The following GANC variants were observed in gnomAD, a reference collection of about 807,000 sequenced individuals.
GANC encodes the protein neutral alpha-glucosidase C.
In GANC, 117 loss-of-function variants were observed where a neutral mutation model predicts 124.2. The ratio of observed to expected loss-of-function variants is 0.94; its 90% confidence interval spans 0.81 to 1.10. GANC has a LOEUF of 1.10. Ranked by LOEUF, GANC falls within the 50% of genes least tolerant of loss-of-function variation. GANC has a pLI of 0.00. For missense variants in GANC, 1,140 were observed against 1,095.0 expected, an observed-to-expected ratio of 1.04 and a Z score of -0.58; for synonymous variants, 377 against 376.8, an observed-to-expected ratio of 1.00 and a Z score of -0.01.
chr15:42,299,377 A>T (rs4583209), intron 6 of GANC, among the ~76,000 whole-genome samples: 1 of 152,110 alleles, frequency 6.6e-6, no homozygotes, highest in Non-Finnish European at 1.5e-5. Context: ...ATTGATTTGC[A>T]TATGTTGAAC....
intron 15 of GANC, among the ~76,000 whole-genome samples, chr15:42,332,021 C>T (rs998264178): frequency 1.3e-5 from 2 of 152,006 alleles, no homozygotes; most frequent in African/African-American, 4.8e-5. Context: ...ATATCTATCA[C>T]CTTAAATATG....
intron 3 of GANC, among the ~76,000 whole-genome samples, chr15:42,279,873 C>T (rs762366395): frequency 1.8e-4 from 28 of 152,222 alleles, no homozygotes; most frequent in African/African-American, 6.5e-4. Flanking sequence ...TGCCCTGCAG[C>T]GCTGTACTGA....
Position 42,273,543 on chromosome 15 carries a change from T to A in GANC, c.-939T>A, listed in dbSNP as rs2051610265. On this transcript the variant is annotated 5_prime_UTR_variant, in exon 1 of 24. Coordinates refer to ENST00000318010, the MANE Select transcript of GANC (RefSeq NM_198141.3). ...TTGCTGTGCGGCGTAGCGGCCCCTC[T>A]CTCAGACAGTCGTCTGTGCGCCGTG... 2.2e-6 allele frequency: 3 copies of A among 1,375,332 alleles called. No individual in the cohort carries two copies. The highest frequency in any genetic ancestry group is 4.8e-5 in the Admixed American group (2 of 41,452). 85.2% of individuals were successfully genotyped at this position (1,375,332 alleles called of 1,614,324 possible).
chr15:42,292,772 T>C lies in GANC; in HGVS notation c.367T>C (p.Leu123=), dbSNP rs752077858. 1.9e-6 allele frequency: 3 copies of C among 1,614,114 alleles called. No homozygotes were observed. The highest frequency in any genetic ancestry group is 2.5e-6 in the Non-Finnish European group (3 of 1,179,980). ...CTCTGGGGACACAGGCAGTCTGATA[T>C]TGGCAGATGGAAAAGGAGACCTGAA... is the stretch of plus-strand genomic sequence containing the variant. ...SCSGDTGSLI[L]ADGKGDLKCH... is the part of the protein sequence containing the mutation. The change falls in exon 5 of 24, where the codon TTG becomes CTG. Residue 123 remains leucine, a synonymous_variant. Coordinates refer to ENST00000318010, the MANE Select transcript of GANC (RefSeq NM_198141.3).
intron 13 of GANC, among the ~76,000 whole-genome samples, 159 bp from the exon 14 acceptor site, chr15:42,329,147 A>C (rs934834824): frequency 6.6e-6 from 1 of 152,260 alleles, no homozygotes; most frequent in Non-Finnish European, 1.5e-5. Flanking sequence ...TGAACAAAAC[A>C]GACAAAATGT....
intron 22 of GANC, 29 bp from the exon 23 acceptor site, chr15:42,351,300 C>G (rs1185504250): frequency 6.4e-7 from 1 of 1,552,750 alleles, no homozygotes; most frequent in South Asian, 1.1e-5. Context: ...CCATCCCTCT[C>G]CTTTTAATAC....
chr15:42,331,485 G>C (rs1249799477), intron 15 of GANC, among the ~76,000 whole-genome samples: 1 of 152,154 alleles, frequency 6.6e-6, no homozygotes, highest in Non-Finnish European at 1.5e-5. Flanking sequence ...TGGCAGGAAG[G>C]CTATTTTAAG....
intron 11 of GANC, among the ~76,000 whole-genome samples, chr15:42,323,212 T>C (rs56987883): frequency 0.1 from 15,670 of 152,212 alleles, 1,168 homozygotes; most frequent in Admixed American, 0.19. Flanking sequence ...ATGGCAAGAA[T>C]ATGAACCATG....
intron 15 of GANC, among the ~76,000 whole-genome samples, chr15:42,332,177 T>C (rs2052251564): frequency 6.6e-6 from 1 of 152,182 alleles, no homozygotes; most frequent in Non-Finnish European, 1.5e-5. Flanking sequence ...AAAAGATTAA[T>C]GGAAGATAGT....
Position 42,353,371 on chromosome 15 carries a change from C to CT in GANC, c.*1235dup, listed in dbSNP as rs2052476109. 6.1e-6 allele frequency: 6 copies of CT among 985,678 alleles called. No homozygotes were observed. Among genetic ancestry groups the CT allele is most frequent in the Non-Finnish European group, 7.2e-6 (6 of 829,700 alleles). The allele number at this position is 985,678 out of a possible 1,614,324, so 61.1% of individuals were successfully genotyped here. On this transcript the variant is annotated 3_prime_UTR_variant, in exon 24 of 24. Transcript: ENST00000318010. The stretch of plus-strand genomic sequence containing the variant: ...CCTTCCAGGCCCAACTTAAATCCCA[C>CT]TTTCCCATGAAGCCTAACTGCGTGA...
chr15:42,320,003 G>A (rs867691146), intron 10 of GANC, among the ~76,000 whole-genome samples: 1 of 152,040 alleles, frequency 6.6e-6, no homozygotes, highest in African/African-American at 2.4e-5. Flanking sequence ...GGTCAACATG[G>A]TGAAACCCTC....
At chr15:42,307,337 CTTTT>C (rs11437522) in intron 7 of GANC, among the ~76,000 whole-genome samples, 1 of 135,048 alleles carries the variant, frequency 7.4e-6, no homozygotes, top group East Asian at 2.1e-4. Flanking sequence ...ATCTTTTTAT[CTTTT>C]TTTTTTTTTT....
intron 11 of GANC, among the ~76,000 whole-genome samples, chr15:42,325,148 C>T (rs1204727359): frequency 6.6e-6 from 1 of 151,836 alleles, no homozygotes; most frequent in Non-Finnish European, 1.5e-5. Context: ...TGGCGGGCAC[C>T]TGTAATCCCA....
Position 42,327,420 on chromosome 15 carries a change from T to TA in GANC, c.1478_1479insA (p.Ala495CysfsTer17). On this transcript the variant is annotated frameshift_variant, in exon 13 of 24. Coordinates refer to ENST00000318010, the MANE Select transcript of GANC (RefSeq NM_198141.3). LOFTEE classifies it high-confidence loss of function. ...AAGGTCAGAGAGTGGTATTCAAGTCTTTTTGCTTTCCCTGTTTATCAGGTT... is the reference window on the plus strand; with the variant it reads ...AAGGTCAGAGAGTGGTATTCAAGTCTATTTTGCTTTCCCTGTTTATCAGGTT... 6.8e-6 allele frequency: 11 copies of TA among 1,613,398 alleles called. No homozygotes were observed. The highest frequency in any genetic ancestry group is 9.3e-6 in the Non-Finnish European group (11 of 1,179,534).
At chr15:42,329,492 C>T (rs1323578215) in intron 14 of GANC, 43 bp downstream of exon 14, 4 of 1,566,860 alleles carry the variant, frequency 2.6e-6, no homozygotes, top group Admixed American at 3.8e-5. Context: ...GTGTGACCCA[C>T]CTTTTGGCTG....
intron 6 of GANC, among the ~76,000 whole-genome samples, chr15:42,298,922 CTT>C (rs1195422081): frequency 1.3e-5 from 2 of 152,170 alleles, no homozygotes; most frequent in Non-Finnish European, 2.9e-5. Flanking sequence ...TATCCTCAGA[CTT>C]TGCTGAAGTT....
chr15:42,331,343 C>G (rs1566959415), intron 15 of GANC, among the ~76,000 whole-genome samples: 1 of 152,218 alleles, frequency 6.6e-6, no homozygotes, highest in Non-Finnish European at 1.5e-5. Flanking sequence ...ACCTCTAACA[C>G]ATTCCATTAA....
chr15:42,294,712 C>T (rs2051874722), intron 5 of GANC, among the ~76,000 whole-genome samples: 1 of 150,336 alleles, frequency 6.7e-6, no homozygotes, highest in Non-Finnish European at 1.5e-5. Flanking sequence ...ACACATTATT[C>T]TACACCTTGC....
intron 3 of GANC, chr15:42,280,822 C>G: frequency 1.6e-6 from 1 of 634,366 alleles, no homozygotes; most frequent in Non-Finnish European, 2.8e-6. Flanking sequence ...AGCGTGATAC[C>G]AGTTTGCGGT....
Sources: allele counts gnomAD v4.1 joint callset (sites outside exome capture counted in the v4.1 genomes callset), GRCh38; gene constraint gnomAD v4.1.1; transcripts MANE v1.5; gene names NCBI Gene and HGNC (gene_info 2026-07-23, HGNC 2026-07-21).